Variants in CACNA2D4 observed in about 807,000 individuals in gnomAD.
The protein encoded by CACNA2D4 is voltage-dependent calcium channel subunit alpha-2/delta-4.
In CACNA2D4, 157 loss-of-function variants were observed where a neutral mutation model predicts 163.8. The observed-to-expected ratio is 0.96, with a 90% CI of 0.84 to 1.09. CACNA2D4 has a LOEUF of 1.09. Among genes scored for constraint, CACNA2D4 ranks in the 50% least tolerant of loss-of-function variants. CACNA2D4 has a pLI of 0.00. For synonymous variants in CACNA2D4, 598 were observed against 586.9 expected (o/e 1.02, Z -0.27); for missense variants, 1,410 against 1,479.9 (o/e 0.95, Z 0.78).
chr12:1,842,973 G>A (rs945890543), intron 25 of CACNA2D4, among the ~76,000 whole-genome samples: 3 of 152,200 alleles, frequency 2.0e-5, no homozygotes, highest in Non-Finnish European at 4.4e-5. Flanking sequence ...TTAGGGCAGA[G>A]CTTGGCTCTG....
intron 20 of CACNA2D4, among the ~76,000 whole-genome samples, chr12:1,857,293 G>C (rs906151733): frequency 1.3e-5 from 2 of 152,220 alleles, no homozygotes; most frequent in African/African-American, 4.8e-5. Context: ...TGACAGCTAA[G>C]CTGGGGCCTG....
At position 1,856,188 on chromosome 12, in the gene CACNA2D4, C is replaced by A; in HGVS notation, c.2050G>T (p.Asp684Tyr). The part of the protein sequence containing the change: ...LLHPDLALAG[D>Y]WIYCITDIDP... ...CATTTTTTACTCCTCACTTACCAGT[C>A]ACCGGCCAGGGCCAGGTCTGGGTGA... Residue 684 changes from aspartate to tyrosine, a missense_variant, in exon 21 of 38, where the codon GAC (aspartate) becomes TAC (tyrosine). By Grantham distance (160) the Asp-to-Tyr change is radical. Coordinates refer to ENST00000382722, the MANE Select transcript of CACNA2D4 (RefSeq NM_172364.5). The A allele has an allele frequency of 6.2e-7, 1 of 1,614,012 alleles. No homozygotes were observed. The highest frequency in any genetic ancestry group is 1.1e-5 in the South Asian group (1 of 91,074).
At chr12:1,904,238 T>C (rs375703215) in intron 6 of CACNA2D4, among the ~76,000 whole-genome samples, 24 of 151,568 alleles carry the variant, frequency 1.6e-4, no homozygotes, top group African/African-American at 5.1e-4. Context: ...AGCGATGGGG[T>C]TGGGGAGAAG....
chr12:1,918,199 G>A (rs1294943912), intron 1 of CACNA2D4, 48 bp downstream of exon 1: 2 of 1,404,550 alleles, frequency 1.4e-6, no homozygotes, highest in South Asian at 1.2e-5. Context: ...GGAAGAAAGT[G>A]GGAAAGGGTG....
At chr12:1,795,194 G>A in intron 37 of CACNA2D4, 105 bp downstream of exon 37, 1 of 958,026 alleles carries the variant, frequency 1.0e-6, no homozygotes, top group Non-Finnish European at 1.6e-6. Flanking sequence ...GCACAGGTGT[G>A]TTCATTGGCA....
intron 37 of CACNA2D4, among the ~76,000 whole-genome samples, chr12:1,794,436 G>T (rs993214745): frequency 2.6e-5 from 4 of 152,202 alleles, no homozygotes; most frequent in Non-Finnish European, 5.9e-5. Flanking sequence ...ACACTATTGA[G>T]AGTTAGCATT....
intron 16 of CACNA2D4, among the ~76,000 whole-genome samples, chr12:1,876,640 G>A (rs552098217): frequency 2.2e-4 from 34 of 152,246 alleles, no homozygotes; most frequent in Non-Finnish European, 3.7e-4. Context: ...GGGAAGTGTC[G>A]TGCTGATTTC....
chr12:1,851,165 G>A (rs1323252041), intron 23 of CACNA2D4, among the ~76,000 whole-genome samples: 3 of 152,128 alleles, frequency 2.0e-5, no homozygotes, highest in Non-Finnish European at 2.9e-5. Context: ...CTACAGGCAC[G>A]AGCCACTACA....
rs572336742 is a variant in CACNA2D4, at chr12:1,828,160, G to A, written c.2551+12579C>T. 545 of 1,543,472 alleles carry A rather than the reference G, an allele frequency of 3.5e-4. 1 individual carries two copies. Among genetic ancestry groups the A allele is most frequent in the Non-Finnish European group, 4.5e-4 (511 of 1,143,422 alleles). Reference sequence around the variant, plus strand: ...CCGTGGGCCTCACCATGCTGGCGCCGGGCAGCAGCCCTGGGCAGAGGGGCA... The same window carrying A: ...CCGTGGGCCTCACCATGCTGGCGCCAGGCAGCAGCCCTGGGCAGAGGGGCA... On this transcript the variant is annotated intron_variant, in intron 26 of 37. Coordinates refer to ENST00000382722, the MANE Select transcript of CACNA2D4 (RefSeq NM_172364.5). This position sits in a 1 kb window ranked among gnomAD's most constrained non-coding sequence, Gnocchi z 4.2.
rs928761867 is a variant in CACNA2D4 at position 1,878,401 on chromosome 12, C to T, written c.1645-12G>A. On this transcript the variant is annotated splice_polypyrimidine_tract_variant and intron_variant, in intron 15 of 37. Coordinates refer to ENST00000382722, the MANE Select transcript of CACNA2D4 (RefSeq NM_172364.5). This position sits in a 1 kb window ranked among gnomAD's most constrained non-coding sequence, Gnocchi z 4.6. ...CCGTGCACTCCAAGCTGCCAGAGTC[C>T]AGGGTGGAGGCGCATTAGGCCTGCT... 6.3e-7 allele frequency: 1 copy of T among 1,593,466 alleles called. No individual in the cohort carries two copies. Among genetic ancestry groups the T allele is most frequent in the Admixed American group, 1.8e-5 (1 of 56,918 alleles).
chr12:1,883,028 G>C lies in CACNA2D4; in HGVS notation c.1352-28C>G, dbSNP rs1401659339. On this transcript the variant is annotated intron_variant, in intron 12 of 37. Transcript: ENST00000382722. This position sits in a 1 kb window ranked among gnomAD's most constrained non-coding sequence, Gnocchi z 4.5. ...GCGGTGGGGAAGGCCGCGTGGGTGT[G>C]GAAGGCAGGGCTTCCCTGGGAACCC... The C allele has an allele frequency of 6.2e-7, 1 of 1,603,416 alleles. No homozygotes were observed. The highest frequency in any genetic ancestry group is 8.5e-7 in the Non-Finnish European group (1 of 1,174,742).
At position 1,866,847 on chromosome 12, in the gene CACNA2D4, G is replaced by T. The variant is rs199741277; in HGVS notation, c.1879-6641C>A. 3.2e-4 allele frequency among the ~76,000 whole-genome samples: 47 copies of T among 147,642 alleles called. No individual in the cohort carries two copies. The East Asian group carries it at 8.1e-3, about 25-fold the overall frequency. On this transcript the variant is annotated intron_variant, in intron 18 of 37. Transcript: ENST00000382722. ...GGGGTCTCCCTATGTTGTCCAGGCTGGTCACGAACTCCTGGGCTCAAGTGA... is the reference window on the plus strand; with the variant it reads ...GGGGTCTCCCTATGTTGTCCAGGCTTGTCACGAACTCCTGGGCTCAAGTGA...
intron 25 of CACNA2D4, among the ~76,000 whole-genome samples, chr12:1,841,685 A>C (rs1865028264): frequency 6.6e-6 from 1 of 152,192 alleles, no homozygotes; most frequent in South Asian, 2.1e-4. Context: ...ATGTGCTATC[A>C]CATTTTGTTA....
At chr12:1,909,998 GGGT>G (rs1190354666) in intron 3 of CACNA2D4, 33 bp from the exon 4 acceptor site, 1 of 1,594,212 alleles carries the variant, frequency 6.3e-7, no homozygotes, top group South Asian at 1.1e-5. Context: ...TAGGGAGAAT[GGGT>G]AAAAGGAGCC....
chr12:1,801,528 G>A (rs186355821), intron 30 of CACNA2D4, 46 bp downstream of exon 30: 288 of 1,413,812 alleles, frequency 2.0e-4, no homozygotes, highest in Non-Finnish European at 2.6e-4. Context: ...GTCAGCTCTC[G>A]GTTTGCTGTG....
intron 23 of CACNA2D4, among the ~76,000 whole-genome samples, chr12:1,850,070 A>G (rs1045868432): frequency 6.6e-6 from 1 of 152,186 alleles, no homozygotes; most frequent in Admixed American, 6.5e-5. Flanking sequence ...TTGCCAGTGT[A>G]TCTTTGGGAT....
chr12:1,855,332 GTCT>G (rs1865375971), intron 22 of CACNA2D4, among the ~76,000 whole-genome samples: 1 of 152,198 alleles, frequency 6.6e-6, no homozygotes, highest in African/African-American at 2.4e-5. Flanking sequence ...ATGGGAGGCA[GTCT>G]TCTTATGCGG....
chr12:1,810,280 C>G lies in CACNA2D4; in HGVS notation c.2719G>C (p.Glu907Gln), dbSNP rs762374016. The change falls in exon 29 of 38, where the codon GAG becomes CAG. Residue 907 changes from glutamate (E) to glutamine (Q), a missense_variant and splice_region_variant. Transcript: ENST00000382722. Reference protein sequence around the residue: ...GFILISKRSRETGRFLGEVDG... With the variant: ...GFILISKRSRQTGRFLGEVDG... ...ATTCTATATCCCCAGTGACTCACCT[C>G]TCGGGACCTCTTGGAGATCAGAATG... The G allele has an allele frequency of 7.4e-6, 12 of 1,613,118 alleles. No individual in the cohort carries two copies. In the African/African-American group the frequency reaches 1.2e-4, roughly 16 times the overall value.
At position 1,874,604 on chromosome 12, in the gene CACNA2D4, C is replaced by A. The variant is rs1486111867; in HGVS notation, c.1878G>T (p.Gly626=). 6.2e-7 allele frequency: 1 copy of A among 1,607,886 alleles called. No homozygotes were observed. The highest frequency in any genetic ancestry group is 8.5e-7 in the Non-Finnish European group (1 of 1,174,434). Residue 626 remains glycine, a splice_region_variant and synonymous_variant, in exon 18 of 38, where the codon GGG becomes GGT. Coordinates refer to ENST00000382722, the MANE Select transcript of CACNA2D4 (RefSeq NM_172364.5). This position sits in a 1 kb window ranked among gnomAD's most constrained non-coding sequence, Gnocchi z 4.4. ...SMDVKVPMDK[G]KRVLFLTNDY... ...GCCCTGGCTGTTTCTAGCTCCTTAC[C>A]CCTTTATCCATCGGAACCTTCACAT...
Sources: allele counts gnomAD v4.1 joint callset (sites outside exome capture counted in the v4.1 genomes callset), GRCh38; gene constraint gnomAD v4.1.1; non-coding constraint Gnocchi (gnomAD v3.1); transcripts MANE v1.5; gene names NCBI Gene and HGNC (gene_info 2026-07-23, HGNC 2026-07-21).